Variants in KLHL4 observed in about 807,000 individuals in gnomAD.
KLHL4 encodes the protein kelch-like protein 4.
In KLHL4, 17 loss-of-function variants were observed where a neutral mutation model predicts 45.8. That is an observed-to-expected ratio of 0.37 (90% confidence interval 0.25 to 0.56). KLHL4 has a LOEUF of 0.56. Among genes scored for constraint, KLHL4 ranks in the 20% least tolerant of loss-of-function variants. The pLI is 0.79. For missense variants in KLHL4, 544 were observed against 544.9 expected (o/e 1.00, Z 0.02); for synonymous variants, 224 against 189.9 (o/e 1.18, Z -1.47).
At chrX:87,609,611 G>T (rs2147810969) in intron 1 of KLHL4, among the ~76,000 whole-genome samples, 1 of 110,669 alleles carries the variant, frequency 9.0e-6, no homozygotes, top group African/African-American at 3.3e-5. Context: ...GGGGTTTTTT[G>T]TTTTTTTTCT....
In KLHL4 at chrX:87,596,901, A is replaced by G. The variant is rs960216898; in HGVS notation, c.423-16976A>G. On this transcript the variant is annotated intron_variant, in intron 1 of 10. Coordinates refer to ENST00000373119, the MANE Select transcript of KLHL4 (RefSeq NM_019117.5). ...CCTGACAAGATTTAATATATGATTT[A>G]TCATTATCAGTTTGCATTTAATCTT... Among the ~76,000 whole-genome samples the G allele has an allele frequency of 3.6e-5, 4 of 112,520 alleles. No homozygotes were observed. In the Admixed American group the frequency reaches 3.8e-4, roughly 11 times the overall value.
At chrX:87,557,878 C>G (rs1932013611) in intron 1 of KLHL4, among the ~76,000 whole-genome samples, 1 of 111,353 alleles carries the variant, frequency 9.0e-6, no homozygotes, top group Non-Finnish European at 1.9e-5. Context: ...GGGATCATGC[C>G]CTTCCATTCT....
At chrX:87,546,773 CT>C (rs1931692801) in intron 1 of KLHL4, among the ~76,000 whole-genome samples, 1 of 112,734 alleles carries the variant, frequency 8.9e-6, no homozygotes, top group Admixed American at 9.3e-5. Context: ...GGAGCCCACC[CT>C]TTGCATCAAT....
chrX:87,605,642 G>A (rs923047952), intron 1 of KLHL4, among the ~76,000 whole-genome samples: 1 of 110,762 alleles, frequency 9.0e-6, no homozygotes, highest in Non-Finnish European at 1.9e-5. Flanking sequence ...AGTCTTTAGA[G>A]TTTTCTATAT....
At chrX:87,637,785 C>T (rs1923314910) in intron 9 of KLHL4, among the ~76,000 whole-genome samples, 1 of 110,601 alleles carries the variant, frequency 9.0e-6, no homozygotes, top group Non-Finnish European at 1.9e-5. Flanking sequence ...CCTTTCTGTA[C>T]TAAAAATACA....
intron 1 of KLHL4, among the ~76,000 whole-genome samples, chrX:87,537,816 T>C (rs1931467601): frequency 9.0e-6 from 1 of 111,457 alleles, no homozygotes; most frequent in African/African-American, 3.2e-5. Context: ...TGGAAATTTT[T>C]ATATTTATAT....
At chrX:87,551,502 G>T (rs184298420) in intron 1 of KLHL4, among the ~76,000 whole-genome samples, 3 of 110,789 alleles carry the variant, frequency 2.7e-5, no homozygotes, top group Non-Finnish European at 5.7e-5. Flanking sequence ...AAAACAATTC[G>T]AAAGTTCATA....
At chrX:87,559,287 C>A (rs5967850) in intron 1 of KLHL4, among the ~76,000 whole-genome samples, 27,875 of 111,057 alleles carry the variant, frequency 0.25, 2,957 homozygotes, top group East Asian at 0.51. Context: ...GGATTTGGCC[C>A]ACTAGCCATA....
chrX:87,529,265 A>G (rs1931188499), intron 1 of KLHL4, among the ~76,000 whole-genome samples: 1 of 111,336 alleles, frequency 9.0e-6, no homozygotes, highest in African/African-American at 3.3e-5. Flanking sequence ...AAATTATGAA[A>G]CTCACCAGTA....
At chrX:87,564,789 C>T (rs1367864717) in intron 1 of KLHL4, among the ~76,000 whole-genome samples, 1 of 111,610 alleles carries the variant, frequency 9.0e-6, no homozygotes, top group Non-Finnish European at 1.9e-5. Flanking sequence ...AAATAAAGAA[C>T]TTGAACAGCA....
intron 9 of KLHL4, among the ~76,000 whole-genome samples, chrX:87,651,773 CA>C (rs1324279554): frequency 8.9e-6 from 1 of 111,970 alleles, no homozygotes; most frequent in Non-Finnish European, 1.9e-5. Flanking sequence ...GAGGCTTTTC[CA>C]GGTGCACAAT....
chrX:87,658,265 C>G (rs1455708719), intron 9 of KLHL4, among the ~76,000 whole-genome samples: 3 of 111,869 alleles, frequency 2.7e-5, no homozygotes, highest in South Asian at 3.7e-4. Context: ...ACTGTCTTCT[C>G]TCAGTTCTGG....
chrX:87,602,493 T>C (rs1229046972), intron 1 of KLHL4, among the ~76,000 whole-genome samples: 2 of 111,757 alleles, frequency 1.8e-5, no homozygotes, highest in Non-Finnish European at 3.8e-5. Context: ...TTTAGATATG[T>C]TTAGCCAGAC....
At position 87,666,580 on chromosome X, in the gene KLHL4, A is replaced by G. The variant is rs1257995226; in HGVS notation, c.*46A>G. The stretch of plus-strand genomic sequence containing the variant: ...TGGAATGAAACTAGATAATTTCAAG[A>G]AACTGAGTAGGACAAAGGGAGAAAG... On this transcript the variant is annotated 3_prime_UTR_variant, in exon 11 of 11. Coordinates refer to ENST00000373119, the MANE Select transcript of KLHL4 (RefSeq NM_019117.5). The G allele has an allele frequency of 4.4e-6, 5 of 1,133,189 alleles. No homozygotes were observed. The African/African-American group carries it at 9.1e-5, about 21-fold the overall frequency. The allele number at this position is 1,133,189 out of a possible 1,213,427, so 93.4% of individuals were successfully genotyped here.
intron 1 of KLHL4, among the ~76,000 whole-genome samples, chrX:87,560,684 A>G (rs1932078146): frequency 8.9e-6 from 1 of 111,798 alleles, no homozygotes; most frequent in Admixed American, 9.6e-5. Context: ...GACACCTTAT[A>G]TAAGTGGAAT....
intron 1 of KLHL4, among the ~76,000 whole-genome samples, chrX:87,561,873 C>G (rs766728254): frequency 2.0e-4 from 22 of 110,228 alleles, no homozygotes; most frequent in African/African-American, 6.9e-4. Flanking sequence ...ACCTCCCAGA[C>G]AGCATTTCTA....
intron 5 of KLHL4, among the ~76,000 whole-genome samples, chrX:87,623,855 G>A (rs1482802049): frequency 9.0e-6 from 1 of 111,434 alleles, no homozygotes; most frequent in Non-Finnish European, 1.9e-5. Context: ...TTGGGTGAAG[G>A]TATACACTTA....
At chrX:87,568,802 A>G (rs773918103) in intron 1 of KLHL4, among the ~76,000 whole-genome samples, 1 of 111,854 alleles carries the variant, frequency 8.9e-6, no homozygotes, top group African/African-American at 3.2e-5. Flanking sequence ...CACATGCACA[A>G]GAATGAAGTT....
At chrX:87,564,882 T>G (rs72634508) in intron 1 of KLHL4, among the ~76,000 whole-genome samples, 24,455 of 110,939 alleles carry the variant, frequency 0.22, 2,025 homozygotes, top group Non-Finnish European at 0.26. Flanking sequence ...GAAGTGCACA[T>G]GGAATATTCT....
Sources: allele counts gnomAD v4.1 joint callset (sites outside exome capture counted in the v4.1 genomes callset), GRCh38; gene constraint gnomAD v4.1.1; transcripts MANE v1.5; gene names NCBI Gene and HGNC (gene_info 2026-07-23, HGNC 2026-07-21).